The following FBXL2 variants were observed in gnomAD, a reference collection of about 807,000 sequenced individuals.
FBXL2 encodes F-box and leucine rich repeat protein 2.
FBXL2 carries 38 observed loss-of-function variants against 69.2 expected under a neutral mutation model. That is an observed-to-expected ratio of 0.55 (90% CI 0.42 to 0.72). The LOEUF (loss-of-function observed/expected upper bound fraction) is 0.72. Among genes scored for constraint, FBXL2 ranks in the 30% least tolerant of loss-of-function variants. FBXL2 has a pLI of 0.00. For synonymous variants in FBXL2, 192 were observed against 201.3 expected (o/e 0.95, Z 0.39); for missense variants, 354 against 520.3 (o/e 0.68, Z 3.11).
In FBXL2 at chr3:33,364,713, C is replaced by A; in HGVS notation, c.284C>A (p.Ser95Tyr). The A allele has an allele frequency of 6.2e-7, 1 of 1,613,666 alleles. No individual in the cohort carries two copies. Residue 95 changes from serine to tyrosine, a missense_variant, in exon 5 of 15, where the codon TCC becomes TAC. Coordinates refer to ENST00000484457, the MANE Select transcript of FBXL2 (RefSeq NM_012157.5). Reference protein sequence around the residue: ...LRGCIGVGDSSLKTFAQNCRN... With the variant: ...LRGCIGVGDSYLKTFAQNCRN... Reference sequence around the variant, plus strand: ...GGCTGCATTGGTGTTGGGGATTCCTCCTTGAAGTAAGTCAAATCCAGTGAC... The same window carrying A: ...GGCTGCATTGGTGTTGGGGATTCCTACTTGAAGTAAGTCAAATCCAGTGAC...
At chr3:33,319,381 A>T (rs900466871) in intron 2 of FBXL2, among the ~76,000 whole-genome samples, 8 of 152,196 alleles carry the variant, frequency 5.3e-5, no homozygotes, top group Admixed American at 2.0e-4. Flanking sequence ...CATCAAGTGG[A>T]TGTATGATGT....
the FBXL2 span, among the ~76,000 whole-genome samples, chr3:33,422,585 C>T: frequency 1.3e-5 from 2 of 151,888 alleles, no homozygotes; most frequent in African/African-American, 4.8e-5. Flanking sequence ...ATTTGCCAGG[C>T]ATGGTGTCCT....
At chr3:33,400,859 T>C in intron 12 of FBXL2, 1 of 1,103,762 alleles carries the variant, frequency 9.1e-7, no homozygotes, top group Non-Finnish European at 1.3e-6. Context: ...TTACCATACA[T>C]GTAACAAAAC....
At chr3:33,316,190 C>G (rs2037673975) in intron 2 of FBXL2, among the ~76,000 whole-genome samples, 1 of 151,814 alleles carries the variant, frequency 6.6e-6, no homozygotes, top group African/African-American at 2.4e-5. Flanking sequence ...TCCTGAGTAG[C>G]TGGAATAAAG....
At chr3:33,411,388 T>C in the FBXL2 span, among the ~76,000 whole-genome samples, 1 of 152,184 alleles carries the variant, frequency 6.6e-6, no homozygotes, top group Admixed American at 6.5e-5. Flanking sequence ...TTACATATCA[T>C]AGAATGTCTT....
intron 1 of FBXL2, among the ~76,000 whole-genome samples, chr3:33,284,888 A>C (rs1366872485): frequency 6.6e-6 from 1 of 151,544 alleles, no homozygotes; most frequent in South Asian, 2.1e-4. Flanking sequence ...TTTGTTTTCC[A>C]TTTGCTTGGT....
intron 2 of FBXL2, among the ~76,000 whole-genome samples, chr3:33,356,595 G>A (rs921476264): frequency 6.6e-6 from 1 of 152,012 alleles, no homozygotes; most frequent in Admixed American, 6.6e-5. Flanking sequence ...TGGTCCACCC[G>A]CCTCAGCCTC....
intron 2 of FBXL2, among the ~76,000 whole-genome samples, chr3:33,304,002 C>T (rs924969006): frequency 6.6e-6 from 1 of 151,372 alleles, no homozygotes; most frequent in Non-Finnish European, 1.5e-5. Flanking sequence ...ACTGTAGCAG[C>T]CATTCTGTAG....
At chr3:33,421,811 G>A in the FBXL2 span, among the ~76,000 whole-genome samples, 4 of 152,310 alleles carry the variant, frequency 2.6e-5, no homozygotes, top group South Asian at 6.2e-4. Context: ...CACTTTGAGA[G>A]GCCAAGGTGG....
At chr3:33,309,707 T>C (rs1466000630) in intron 2 of FBXL2, among the ~76,000 whole-genome samples, 2 of 152,228 alleles carry the variant, frequency 1.3e-5, no homozygotes, top group Non-Finnish European at 1.5e-5. Context: ...GCACTTGATA[T>C]CTTCCTTTGT....
At chr3:33,293,074 T>A (rs982893881) in intron 1 of FBXL2, among the ~76,000 whole-genome samples, 4 of 152,234 alleles carry the variant, frequency 2.6e-5, no homozygotes, top group African/African-American at 9.6e-5. Flanking sequence ...CAGGCTGGTC[T>A]TGGACTCCTG....
downstream of FBXL2, among the ~76,000 whole-genome samples, chr3:33,405,180 T>A (rs2044383899): frequency 1.3e-5 from 2 of 151,900 alleles, no homozygotes; most frequent in African/African-American, 4.8e-5. Flanking sequence ...AAAATAAAAA[T>A]AAATAAGAAA....
intron 2 of FBXL2, among the ~76,000 whole-genome samples, chr3:33,299,342 G>A (rs933122422): frequency 1.4e-4 from 21 of 152,148 alleles, no homozygotes; most frequent in South Asian, 4.2e-4. Flanking sequence ...GCGCCCGGCC[G>A]GAATCCTTTT....
At chr3:33,303,268 G>A (rs1440372472) in intron 2 of FBXL2, 19 of 434,632 alleles carry the variant, frequency 4.4e-5, no homozygotes, top group Middle Eastern at 5.0e-4. Flanking sequence ...TCGCTCTCGT[G>A]GTTGTTTTTT....
At chr3:33,390,274 C>A, downstream of FBXL2, 1 of 1,536,926 alleles carries the variant, frequency 6.5e-7, no homozygotes, top group Non-Finnish European at 8.9e-7. Context: ...ATTCAGTCTT[C>A]ACACACTTTT....
the FBXL2 span, chr3:33,409,260 G>C: frequency 1.9e-6 from 3 of 1,613,888 alleles, no homozygotes; most frequent in Admixed American, 3.3e-5. Context: ...TGGTATCATA[G>C]GACGGCTGAT....
At chr3:33,310,635 G>C (rs1041074863) in intron 2 of FBXL2, among the ~76,000 whole-genome samples, 13 of 151,572 alleles carry the variant, frequency 8.6e-5, no homozygotes, top group Middle Eastern at 3.4e-3. Flanking sequence ...ATTATTTTTT[G>C]TAAGGTAGGT....
intron 2 of FBXL2, among the ~76,000 whole-genome samples, chr3:33,333,476 A>G (rs1163556352): frequency 6.6e-6 from 1 of 152,266 alleles, no homozygotes; most frequent in Non-Finnish European, 1.5e-5. Flanking sequence ...CTACTTCAGA[A>G]GAACATGAAA....
chr3:33,311,826 G>A (rs1169061411), intron 2 of FBXL2, among the ~76,000 whole-genome samples: 7 of 151,980 alleles, frequency 4.6e-5, no homozygotes, highest in African/African-American at 7.2e-5. Context: ...GGGTTTCACC[G>A]TGTTAGCCAG....
Sources: allele counts gnomAD v4.1 joint callset (sites outside exome capture counted in the v4.1 genomes callset), GRCh38; gene constraint gnomAD v4.1.1; transcripts MANE v1.5; gene names NCBI Gene and HGNC (gene_info 2026-07-23, HGNC 2026-07-21).